STXBP4: variants seen among roughly 807,000 people sequenced by gnomAD.
The protein encoded by STXBP4 is syntaxin binding protein 4.
Under a neutral mutation model 76.1 loss-of-function variants are expected in STXBP4, and 55 were observed. The observed-to-expected ratio is 0.72, with a 90% confidence interval of 0.58 to 0.91. STXBP4 has a LOEUF of 0.91. Among genes scored for constraint, STXBP4 ranks in the 40% least tolerant of loss-of-function variants. The pLI, the probability that STXBP4 is intolerant of heterozygous loss-of-function variation, is 0.00. For synonymous variants in STXBP4, 201 were observed against 220.2 expected, an observed-to-expected ratio of 0.91 and a Z score of 0.77; for missense variants, 618 against 636.9, an observed-to-expected ratio of 0.97 and a Z score of 0.32.
rs1042474065 is a variant in STXBP4 at position 54,983,471 on chromosome 17, C to A, written c.-156-2143C>A. On this transcript the variant is annotated intron_variant, in intron 1 of 17. Coordinates refer to ENST00000376352, the MANE Select transcript of STXBP4 (RefSeq NM_178509.6). Reference sequence around the variant, plus strand: ...CACTTTGGTACCAGTAGAAAGACTGCTCAGTTTTTCACATCTGCTTTTGAG... The same window carrying A: ...CACTTTGGTACCAGTAGAAAGACTGATCAGTTTTTCACATCTGCTTTTGAG... Among the ~76,000 whole-genome samples, 4 of 152,124 alleles carry A rather than the reference C, an allele frequency of 2.6e-5. No homozygotes were observed. In the South Asian group the frequency reaches 6.2e-4, roughly 24 times the overall value.
chr17:54,986,342 T>A, intron 3 of STXBP4, 76 bp downstream of exon 3: 6 of 1,159,258 alleles, frequency 5.2e-6, no homozygotes, highest in Non-Finnish European at 7.5e-6. Context: ...GATTAAAAGT[T>A]TTTTTACATC....
chr17:55,145,009 C>T (rs1481106433), intron 17 of STXBP4, among the ~76,000 whole-genome samples: 1 of 152,170 alleles, frequency 6.6e-6, no homozygotes, highest in Non-Finnish European at 1.5e-5. Context: ...TAGACACTTT[C>T]AGCAAAGGTT....
chr17:55,204,115 CTTCTAT>C, the STXBP4 span, among the ~76,000 whole-genome samples: 1 of 151,562 alleles, frequency 6.6e-6, no homozygotes, highest in African/African-American at 2.4e-5. Context: ...TTCCCCTGTC[CTTCTAT>C]TTTTAATGCT....
At chr17:54,986,031 C>T in intron 2 of STXBP4, 111 bp from the exon 3 acceptor site, 1 of 590,630 alleles carries the variant, frequency 1.7e-6, no homozygotes, top group Non-Finnish European at 3.0e-6. Flanking sequence ...CATCTATATA[C>T]AGGCTTATAT....
At chr17:55,060,068 A>T (rs181189916) in intron 12 of STXBP4, among the ~76,000 whole-genome samples, 1 of 152,118 alleles carries the variant, frequency 6.6e-6, no homozygotes, top group Non-Finnish European at 1.5e-5. Flanking sequence ...TTAAAAATAC[A>T]TGTATACATC....
intron 16 of STXBP4, among the ~76,000 whole-genome samples, chr17:55,095,136 T>C (rs2079468180): frequency 6.6e-6 from 1 of 152,200 alleles, no homozygotes; most frequent in Non-Finnish European, 1.5e-5. Flanking sequence ...ACCTTACTAC[T>C]AACATGGTGA....
chr17:55,037,480 G>A (rs894298377), intron 10 of STXBP4, among the ~76,000 whole-genome samples: 22 of 145,988 alleles, frequency 1.5e-4, no homozygotes, highest in African/African-American at 5.4e-4. Flanking sequence ...TAGTTTGGAA[G>A]TTGTTGGGAT....
At chr17:55,016,641 C>G (rs1295463975) in intron 8 of STXBP4, among the ~76,000 whole-genome samples, 1 of 152,182 alleles carries the variant, frequency 6.6e-6, no homozygotes, top group Non-Finnish European at 1.5e-5. Context: ...GCTTTTTCCT[C>G]AATCACCTGG....
At chr17:55,015,679 T>C (rs1296415747) in intron 8 of STXBP4, among the ~76,000 whole-genome samples, 1 of 152,054 alleles carries the variant, frequency 6.6e-6, no homozygotes, top group African/African-American at 2.4e-5. Context: ...CTTTGGTTTG[T>C]TGTTTACCCC....
At chr17:55,002,727 C>G (rs1338096877) in intron 7 of STXBP4, among the ~76,000 whole-genome samples, 1 of 152,226 alleles carries the variant, frequency 6.6e-6, no homozygotes, top group South Asian at 2.1e-4. Flanking sequence ...GCTCTGAATA[C>G]AGACTCAGTG....
intron 8 of STXBP4, among the ~76,000 whole-genome samples, chr17:55,026,555 T>G (rs1383879428): frequency 1.3e-5 from 2 of 151,552 alleles, no homozygotes; most frequent in Non-Finnish European, 2.9e-5. Flanking sequence ...GTCCCAAGAG[T>G]GTAAGATGGG....
At chr17:55,073,960 C>T (rs1310494821) in intron 13 of STXBP4, among the ~76,000 whole-genome samples, 6 of 151,908 alleles carry the variant, frequency 3.9e-5, no homozygotes, top group South Asian at 2.1e-4. Context: ...TTTTTTTTTA[C>T]ATAATACATA....
At chr17:55,100,499 A>C (rs1036572597) in intron 16 of STXBP4, among the ~76,000 whole-genome samples, 7 of 152,260 alleles carry the variant, frequency 4.6e-5, no homozygotes, top group African/African-American at 7.2e-5. Flanking sequence ...CAAAAGATGG[A>C]CAAAGAAACA....
intron 17 of STXBP4, among the ~76,000 whole-genome samples, chr17:55,157,122 T>C (rs1263914902): frequency 1.3e-5 from 2 of 152,216 alleles, no homozygotes; most frequent in East Asian, 3.8e-4. Context: ...TCCCATCTCC[T>C]CCAATTATGG....
the STXBP4 span, among the ~76,000 whole-genome samples, chr17:55,212,330 T>C: frequency 2.6e-4 from 39 of 152,128 alleles, no homozygotes; most frequent in Non-Finnish European, 5.3e-4. Flanking sequence ...AATAAATACT[T>C]ATCTGTTAAG....
intron 12 of STXBP4, among the ~76,000 whole-genome samples, chr17:55,053,038 C>T (rs756634927): frequency 5.4e-5 from 8 of 147,244 alleles, no homozygotes; most frequent in Non-Finnish European, 1.0e-4. Context: ...GCTAAAGAGA[C>T]GTGAAAACTA....
At chr17:54,974,545 G>A (rs2077441636) in intron 1 of STXBP4, among the ~76,000 whole-genome samples, 2 of 152,226 alleles carry the variant, frequency 1.3e-5, no homozygotes, top group African/African-American at 4.8e-5. Flanking sequence ...TTCAAGTAAT[G>A]TTTATCAAGA....
intron 17 of STXBP4, among the ~76,000 whole-genome samples, chr17:55,158,715 G>T (rs1759080068): frequency 6.6e-6 from 1 of 152,188 alleles, no homozygotes; most frequent in Non-Finnish European, 1.5e-5. Flanking sequence ...TTTTCAGGAT[G>T]CTGGTCATTT....
At chr17:55,118,516 T>A (rs1182608541) in intron 16 of STXBP4, among the ~76,000 whole-genome samples, 1 of 151,992 alleles carries the variant, frequency 6.6e-6, no homozygotes, top group Non-Finnish European at 1.5e-5. Flanking sequence ...TAAGTCAAGA[T>A]GTTATTGGCA....
Sources: allele counts gnomAD v4.1 joint callset (sites outside exome capture counted in the v4.1 genomes callset), GRCh38; gene constraint gnomAD v4.1.1; transcripts MANE v1.5; gene names NCBI Gene and HGNC (gene_info 2026-07-23, HGNC 2026-07-21).